The following COG5 variants were observed in gnomAD, a reference collection of about 807,000 sequenced individuals.
COG5 encodes component of oligomeric golgi complex 5.
In COG5, 86 loss-of-function variants were observed where a neutral mutation model predicts 110.4. That is an observed-to-expected ratio of 0.78 (90% confidence interval 0.65 to 0.93). The LOEUF (loss-of-function observed/expected upper bound fraction) is 0.93, where lower values mean the gene tolerates loss of function less well. Among genes scored for constraint, COG5 ranks in the 40% least tolerant of loss-of-function variants. COG5 has a pLI of 0.00. For missense variants in COG5, 1,077 were observed against 987.0 expected, an observed-to-expected ratio of 1.09 and a Z score of -1.22; for synonymous variants, 360 against 334.6, an observed-to-expected ratio of 1.08 and a Z score of -0.83.
intron 14 of COG5, among the ~76,000 whole-genome samples, chr7:107,263,404 G>A (rs1803531272): frequency 6.6e-6 from 1 of 152,192 alleles, no homozygotes; most frequent in South Asian, 2.1e-4. Context: ...AAAGCACTGA[G>A]AATGAGGGAA....
At chr7:107,222,536 A>G (rs891029992) in intron 19 of COG5, among the ~76,000 whole-genome samples, 3 of 152,164 alleles carry the variant, frequency 2.0e-5, no homozygotes, top group Admixed American at 2.0e-4. Context: ...CTGTCAAAAA[A>G]TCCATGAAAA....
chr7:107,478,319 CATG>C (rs780246189), intron 6 of COG5, among the ~76,000 whole-genome samples: 1 of 151,878 alleles, frequency 6.6e-6, no homozygotes, highest in Non-Finnish European at 1.5e-5. Context: ...AAGGGCCATT[CATG>C]ATAATTCTGT....
At chr7:107,284,833 CCT>C (rs1258935818) in intron 12 of COG5, among the ~76,000 whole-genome samples, 1 of 152,120 alleles carries the variant, frequency 6.6e-6, no homozygotes, top group African/African-American at 2.4e-5. Flanking sequence ...TCACATCATC[CCT>C]GTTTACAATC....
intron 11 of COG5, among the ~76,000 whole-genome samples, chr7:107,305,988 C>T (rs1423482331): frequency 6.6e-6 from 1 of 152,054 alleles, no homozygotes; most frequent in South Asian, 2.1e-4. Context: ...GACAGATGTA[C>T]TGAAGGCGAT....
intron 17 of COG5, among the ~76,000 whole-genome samples, chr7:107,242,806 G>A (rs1044522720): frequency 1.3e-5 from 2 of 152,128 alleles, no homozygotes; most frequent in Admixed American, 1.3e-4. Context: ...CCCCCACTGG[G>A]CTGACTGCAG....
intron 12 of COG5, among the ~76,000 whole-genome samples, chr7:107,293,595 G>T (rs1806349696): frequency 6.6e-6 from 1 of 151,958 alleles, no homozygotes; most frequent in Non-Finnish European, 1.5e-5. Context: ...TCATTCTTTG[G>T]GGCTCCACAC....
At chr7:107,329,317 A>G (rs1166919805) in intron 10 of COG5, among the ~76,000 whole-genome samples, 3 of 152,158 alleles carry the variant, frequency 2.0e-5, no homozygotes, top group Admixed American at 6.5e-5. Context: ...CTTGGGAGAC[A>G]TAAAGAGATA....
At chr7:107,451,322 T>C (rs1175095924) in intron 6 of COG5, among the ~76,000 whole-genome samples, 1 of 152,108 alleles carries the variant, frequency 6.6e-6, no homozygotes, top group Non-Finnish European at 1.5e-5. Context: ...GAAGAAGATG[T>C]AGAAGAAGCA....
At chr7:107,522,731 T>C (rs886104836) in intron 6 of COG5, among the ~76,000 whole-genome samples, 2 of 152,228 alleles carry the variant, frequency 1.3e-5, no homozygotes, top group African/African-American at 4.8e-5. Context: ...TATTTTTATA[T>C]GAAATGAAGT....
At chr7:107,560,511 C>A (rs887121722) in intron 1 of COG5, among the ~76,000 whole-genome samples, 1 of 152,186 alleles carries the variant, frequency 6.6e-6, no homozygotes, top group Non-Finnish European at 1.5e-5. Context: ...TAGTTTTACA[C>A]TAACTTAGAC....
chr7:107,317,873 G>C (rs2117032956), intron 11 of COG5, among the ~76,000 whole-genome samples: 1 of 152,242 alleles, frequency 6.6e-6, no homozygotes, highest in Non-Finnish European at 1.5e-5. Context: ...TTATTCTGTG[G>C]AGTTCAACTT....
intron 5 of COG5, among the ~76,000 whole-genome samples, chr7:107,530,211 T>C (rs942097340): frequency 6.6e-6 from 1 of 152,192 alleles, no homozygotes; most frequent in Non-Finnish European, 1.5e-5. Context: ...ATCACCCTAA[T>C]CCACATCTTT....
chr7:107,504,252 T>A (rs2129138346), intron 6 of COG5, among the ~76,000 whole-genome samples: 1 of 152,366 alleles, frequency 6.6e-6, no homozygotes. Context: ...TCTATTGAGA[T>A]GATCATATAG....
intron 6 of COG5, among the ~76,000 whole-genome samples, chr7:107,457,197 G>A (rs1584849022): frequency 7.6e-6 from 1 of 132,438 alleles, no homozygotes; most frequent in African/African-American, 3.4e-5. Flanking sequence ...TGTAACTATA[G>A]AAATTAATCA....
chr7:107,275,355 A>G (rs1804619642), intron 14 of COG5, among the ~76,000 whole-genome samples: 1 of 151,800 alleles, frequency 6.6e-6, no homozygotes, highest in African/African-American at 2.4e-5. Flanking sequence ...TTTGTATCAC[A>G]GAGAAAGTGC....
At chr7:107,501,769 C>G (rs1297760983) in intron 6 of COG5, among the ~76,000 whole-genome samples, 1 of 152,118 alleles carries the variant, frequency 6.6e-6, no homozygotes, top group Non-Finnish European at 1.5e-5. Context: ...TGGATTTGAG[C>G]ACAACATCAC....
At chr7:107,510,134 T>C (rs370816675) in intron 6 of COG5, among the ~76,000 whole-genome samples, 18,994 of 151,996 alleles carry the variant, frequency 0.12, 1,479 homozygotes, top group Non-Finnish European at 0.17. Flanking sequence ...CCCATCAGTG[T>C]GCTGTATTCA....
intron 6 of COG5, among the ~76,000 whole-genome samples, chr7:107,452,568 G>A (rs1406196131): frequency 1.3e-5 from 2 of 152,094 alleles, no homozygotes; most frequent in Non-Finnish European, 1.5e-5. Context: ...GTTTCTGATG[G>A]TTTTAAAAAC....
At chr7:107,214,913 T>A (rs1415257179) in intron 19 of COG5, among the ~76,000 whole-genome samples, 2 of 147,928 alleles carry the variant, frequency 1.4e-5, no homozygotes, top group Non-Finnish European at 1.5e-5. Flanking sequence ...AGAGCGAGAC[T>A]CTGTCTCAAA....
Sources: gnomAD v4.1 joint callset for allele counts (sites outside exome capture counted in the v4.1 genomes callset) on GRCh38, gnomAD v4.1.1 for gene constraint, MANE v1.5 for transcripts, NCBI Gene and HGNC (gene_info 2026-07-23, HGNC 2026-07-21) for gene names.